HTR3E: variants seen among roughly 807,000 people sequenced by gnomAD.
The protein encoded by HTR3E is 5-hydroxytryptamine receptor 3E, also known as 5-hydroxytryptamine (serotonin) receptor 3, family member E.
Under a neutral mutation model 38.0 loss-of-function variants are expected in HTR3E, and 38 were observed. That is an observed-to-expected ratio of 1.00 (90% CI 0.77 to 1.31). The LOEUF (loss-of-function observed/expected upper bound fraction) is 1.31. HTR3E is among the 50% of genes most tolerant of loss of function. The pLI, the probability that HTR3E is intolerant of heterozygous loss-of-function variation, is 0.00. For synonymous variants in HTR3E, 210 were observed against 232.9 expected (o/e 0.90, Z 0.89); for missense variants, 547 against 585.2 (o/e 0.93, Z 0.67).
chr3:184,104,453 C>A, intron 4 of HTR3E, 162 bp downstream of exon 4: 1 of 1,181,582 alleles, frequency 8.5e-7, no homozygotes, highest in Non-Finnish European at 1.1e-6. Context: ...TGCCTGTAAT[C>A]CCAGCACTTT....
chr3:184,105,409 T>C lies in HTR3E; in HGVS notation c.702T>C (p.Tyr234=). 1 of 1,612,644 alleles carries C rather than the reference T, an allele frequency of 6.2e-7. No individual in the cohort carries two copies. Among genetic ancestry groups the C allele is most frequent in the Non-Finnish European group, 8.5e-7 (1 of 1,179,602 alleles). The change falls in exon 6 of 9, where the codon TAT becomes TAC. Residue 234 remains tyrosine, a synonymous_variant. Transcript: ENST00000415389. ...AGTTGTCCAGGGGAGGCAACCTGTA[T>C]GATCAGATCGTGTTCTATGTGAGCT... The part of the protein sequence containing the change: ...TAKLSRGGNL[Y]DQIVFYVAIR...
intron 5 of HTR3E, 99 bp downstream of exon 5, chr3:184,105,055 G>C: frequency 7.9e-7 from 1 of 1,270,716 alleles, no homozygotes; most frequent in Non-Finnish European, 1.1e-6. Flanking sequence ...TGGGTGGGGA[G>C]AAGAATAAGG....
rs981743407 is a variant in HTR3E at position 184,103,364 on chromosome 3, T to G, written c.280-818T>G. On this transcript the variant is annotated intron_variant, in intron 3 of 8. Coordinates refer to ENST00000415389, the MANE Select transcript of HTR3E (RefSeq NM_001256613.2). ...CCGGGTGGTGGCCGGGCGCGGTGGC[T>G]CACGCCTGTAATCCCAGCACTTTGG... Among the ~76,000 whole-genome samples, 4 of 151,968 alleles carry G rather than the reference T, an allele frequency of 2.6e-5. No individual in the cohort carries two copies. In the East Asian group the frequency reaches 7.7e-4, roughly 29 times the overall value.
chr3:184,100,622 T>C lies in HTR3E; in HGVS notation c.205T>C (p.Ser69Pro). The change falls in exon 2 of 9, where the codon TCC becomes CCC. Residue 69 changes from serine to proline, a missense_variant. Transcript: ENST00000415389. ...CAGCGTCCCCACCCAAGTCAACATC[T>C]CCTTCGCGATGTCTGCCATCCTAGA... is the stretch of plus-strand genomic sequence containing the variant. ...NISVPTQVNI[S>P]FAMSAILDVN... The C allele has an allele frequency of 1.2e-6, 2 of 1,614,014 alleles. No individual in the cohort carries two copies. The highest frequency in any genetic ancestry group is 1.7e-6 in the Non-Finnish European group (2 of 1,179,964).
Position 184,097,571 on chromosome 3 carries a change from C to T in HTR3E, c.42C>T (p.Tyr14=), listed in dbSNP as rs1711730122. 2 of 1,535,908 alleles carry T rather than the reference C, an allele frequency of 1.3e-6. No individual in the cohort carries two copies. Among genetic ancestry groups the T allele is most frequent in the East Asian group, 2.4e-5 (1 of 40,908 alleles). The change falls in exon 1 of 9, where the codon TAC becomes TAT. Residue 14 remains tyrosine, a synonymous_variant. Transcript: ENST00000415389. ...SWFHRKRFSF[Y]LLLGFLLQGR... ...TCCACAGGAAAAGATTTTCCTTCTA[C>T]CTCCTTCTCGGTTTTCTGCTTCAAG...
At chr3:184,102,527 GT>G (rs1433204931) in intron 3 of HTR3E, among the ~76,000 whole-genome samples, 2 of 151,282 alleles carry the variant, frequency 1.3e-5, no homozygotes, top group Non-Finnish European at 2.9e-5. Context: ...TATACCTAAT[GT>G]TAAATGATGA....
At chr3:184,104,760 C>G in intron 4 of HTR3E, 27 bp from the exon 5 acceptor site, 1 of 1,551,014 alleles carries the variant, frequency 6.4e-7, no homozygotes, top group Middle Eastern at 1.8e-4. Context: ...ACTGCAGCAC[C>G]TGCCTCTTGC....
chr3:184,098,652 T>A (rs1711792024), intron 1 of HTR3E, among the ~76,000 whole-genome samples: 1 of 152,212 alleles, frequency 6.6e-6, no homozygotes, highest in Admixed American at 6.5e-5. Flanking sequence ...AGGCTCAATG[T>A]CCTTGGCACA....
rs201948885 is a variant in HTR3E, at chr3:184,100,632, T to A, written c.215T>A (p.Met72Lys). 7 of 1,613,876 alleles carry A rather than the reference T, an allele frequency of 4.3e-6. No homozygotes were observed. The African/African-American group carries it at 6.7e-5, about 15-fold the overall frequency. ...ACCCAAGTCAACATCTCCTTCGCGA[T>A]GTCTGCCATCCTAGATGTGGTGAGT... ...VPTQVNISFAMSAILDVNEQL... is the reference protein window; with the variant it reads ...VPTQVNISFAKSAILDVNEQL... Residue 72 changes from methionine to lysine, a missense_variant, in exon 2 of 9, where the codon ATG becomes AAG. Met to Lys is a moderately conservative substitution (Grantham distance 95). Coordinates refer to ENST00000415389, the MANE Select transcript of HTR3E (RefSeq NM_001256613.2).
rs200508262 is a variant in HTR3E, at chr3:184,105,793, A to G, written c.749A>G (p.Tyr250Cys). The G allele has an allele frequency of 2.8e-5, 45 of 1,614,108 alleles. No homozygotes were observed. Among genetic ancestry groups the G allele is most frequent in the East Asian group, 1.6e-4 (7 of 44,870 alleles). ...YVAIRRRPSLYVINLLVPSGF... is the reference protein window; with the variant it reads ...YVAIRRRPSLCVINLLVPSGF... ...GCCATCAGGCGCAGGCCCAGTCTCTATGTCATAAACCTTCTCGTGCCCAGT... is the reference window on the plus strand; with the variant it reads ...GCCATCAGGCGCAGGCCCAGTCTCTGTGTCATAAACCTTCTCGTGCCCAGT... The change falls in exon 7 of 9, where the codon TAT becomes TGT. Residue 250 changes from tyrosine (Y) to cysteine (C), a missense_variant. Transcript: ENST00000415389.
At chr3:184,099,364 T>G (rs538787495) in intron 1 of HTR3E, among the ~76,000 whole-genome samples, 2 of 152,198 alleles carry the variant, frequency 1.3e-5, no homozygotes, top group South Asian at 4.1e-4. Flanking sequence ...CACTCCAGCC[T>G]GGGCAGTAGA....
Position 184,105,280 on chromosome 3 carries a change from G to A in HTR3E, c.573G>A (p.Leu191=). The change falls in exon 6 of 9, where the codon TTG becomes TTA. Residue 191 remains leucine, a synonymous_variant. Coordinates refer to ENST00000415389, the MANE Select transcript of HTR3E (RefSeq NM_001256613.2). The stretch of plus-strand genomic sequence containing the variant: ...TCTCATTTTCAGTGGACAGCATGTT[G>A]CTGGACATGGAGAAAGAAGTGTGGG... ...SSFLYTVDSM[L]LDMEKEVWEI... is the part of the protein sequence containing the mutation. 6.2e-7 allele frequency: 1 copy of A among 1,612,500 alleles called. No homozygotes were observed. Among genetic ancestry groups the A allele is most frequent in the Non-Finnish European group, 8.5e-7 (1 of 1,179,532 alleles).
rs777815605 is a variant in HTR3E, at chr3:184,105,298, A to C, written c.591A>C (p.Glu197Asp). ...VDSMLLDMEK[E>D]VWEITDASRN... The stretch of plus-strand genomic sequence containing the variant: ...GCATGTTGCTGGACATGGAGAAAGA[A>C]GTGTGGGAAATAACAGACGCATCCC... The change falls in exon 6 of 9, where the codon GAA becomes GAC. Residue 197 changes from glutamate (E) to aspartate (D), a missense_variant. Glu to Asp is a conservative substitution (Grantham distance 45, BLOSUM62 2). Transcript: ENST00000415389. 4.1e-5 allele frequency: 66 copies of C among 1,613,662 alleles called. No homozygotes were observed. The highest frequency in any genetic ancestry group is 4.6e-5 in the Non-Finnish European group (54 of 1,179,924).
intron 4 of HTR3E, 63 bp from the exon 5 acceptor site, chr3:184,104,716 CAAAAAAAA>C (rs66667882): frequency 1.3e-3 from 1,071 of 835,752 alleles, no homozygotes; most frequent in South Asian, 2.4e-3. Context: ...GATCCTGTCT[CAAAAAAAA>C]AAAAAAAAAA....
rs1403699735 is a variant in HTR3E at position 184,105,399 on chromosome 3, G to A, written c.692G>A (p.Gly231Asp). ...GCCACCGCAAAGTTGTCCAGGGGAG[G>A]CAACCTGTATGATCAGATCGTGTTC... is the stretch of plus-strand genomic sequence containing the variant. ...SKATAKLSRG[G>D]NLYDQIVFYV... The change falls in exon 6 of 9, where the codon GGC becomes GAC. Residue 231 changes from glycine (G) to aspartate (D), a missense_variant. Physicochemically the swap from Gly to Asp is moderately conservative, Grantham distance 94. Transcript: ENST00000415389. The A allele has an allele frequency of 6.2e-7, 1 of 1,613,680 alleles. No homozygotes were observed. Among genetic ancestry groups the A allele is most frequent in the African/African-American group, 1.3e-5 (1 of 75,028 alleles).
chr3:184,102,677 C>A (rs1447155954), intron 3 of HTR3E, among the ~76,000 whole-genome samples: 1 of 151,022 alleles, frequency 6.6e-6, no homozygotes, highest in East Asian at 1.9e-4. Flanking sequence ...GTAATCCCAG[C>A]ACTTTGGGAG....
intron 1 of HTR3E, among the ~76,000 whole-genome samples, chr3:184,098,155 C>T (rs1157971042): frequency 6.6e-6 from 1 of 152,200 alleles, no homozygotes; most frequent in Non-Finnish European, 1.5e-5. Flanking sequence ...GTAGAATGTG[C>T]TTCTCTTCCA....
rs368117491 is a variant in HTR3E at position 184,106,384 on chromosome 3, C to G, written c.1141+41C>G. On this transcript the variant is annotated intron_variant, in intron 8 of 8. Coordinates refer to ENST00000415389, the MANE Select transcript of HTR3E (RefSeq NM_001256613.2). The surrounding 1 kb of genome is among the most constrained non-coding windows in gnomAD (Gnocchi z 4.1). Reference sequence around the variant, plus strand: ...TTCCTCTTCCCCCACCTCCACTTCTCTGCTCCTGCCTCCTTCCCTGTCTCC... The same window carrying G: ...TTCCTCTTCCCCCACCTCCACTTCTGTGCTCCTGCCTCCTTCCCTGTCTCC... The G allele has an allele frequency of 2.5e-6, 4 of 1,573,188 alleles. No homozygotes were observed. The African/African-American group carries it at 5.4e-5, about 21-fold the overall frequency.
intron 1 of HTR3E, among the ~76,000 whole-genome samples, chr3:184,099,394 A>C (rs1711845252): frequency 6.6e-6 from 1 of 151,758 alleles, no homozygotes; most frequent in Non-Finnish European, 1.5e-5. Context: ...TGTCTCAAAA[A>C]ACCCCCAAAA....
Sources: gnomAD v4.1 joint callset for allele counts (sites outside exome capture counted in the v4.1 genomes callset) on GRCh38, gnomAD v4.1.1 for gene constraint, Gnocchi (gnomAD v3.1) non-coding constraint, MANE v1.5 for transcripts, NCBI Gene and HGNC (gene_info 2026-07-23, HGNC 2026-07-21) for gene names.